NFIB: variants seen among roughly 807,000 people sequenced by gnomAD.
NFIB encodes the protein nuclear factor 1 B-type.
NFIB carries 11 observed loss-of-function variants against 61.5 expected under a neutral mutation model. That is an observed-to-expected ratio of 0.18 (90% CI 0.11 to 0.30). The LOEUF is 0.30. NFIB is among the 10% of genes least tolerant of loss of function. The probability of loss-of-function intolerance (pLI) is 1.00; values close to 1 mark genes in which losing one functional copy is unlikely to be tolerated. For synonymous variants in NFIB, 260 were observed against 216.5 expected, an observed-to-expected ratio of 1.20 and a Z score of -1.76; for missense variants, 471 against 608.9, an observed-to-expected ratio of 0.77 and a Z score of 2.38.
chr9:14,485,008 G>A, the NFIB span, among the ~76,000 whole-genome samples: 1 of 152,066 alleles, frequency 6.6e-6, no homozygotes, highest in African/African-American at 2.4e-5. Context: ...GAGAGAGAGA[G>A]AAAGAGAGAG....
chr9:14,277,479 G>C (rs1361594394), intron 2 of NFIB, among the ~76,000 whole-genome samples: 1 of 152,230 alleles, frequency 6.6e-6, no homozygotes, highest in African/African-American at 2.4e-5. Context: ...ATATGGATTA[G>C]ACAGACGCAC....
At chr9:14,397,400 G>A (rs2061697441) in intron 1 of NFIB, among the ~76,000 whole-genome samples, 1 of 152,192 alleles carries the variant, frequency 6.6e-6, no homozygotes, top group South Asian at 2.1e-4. Context: ...GATGACAATG[G>A]AACTTTAGGT....
chr9:14,351,014 G>A (rs2061104048), intron 1 of NFIB, among the ~76,000 whole-genome samples: 1 of 152,158 alleles, frequency 6.6e-6, no homozygotes, highest in Non-Finnish European at 1.5e-5. Flanking sequence ...AGACTCGGAG[G>A]GAAATCTCCC....
intron 2 of NFIB, among the ~76,000 whole-genome samples, chr9:14,187,885 G>A (rs1432106604): frequency 1.3e-5 from 2 of 152,162 alleles, no homozygotes; most frequent in Non-Finnish European, 2.9e-5. Flanking sequence ...CACAAAAAGT[G>A]TTAAACCTGC....
intron 2 of NFIB, among the ~76,000 whole-genome samples, chr9:14,180,059 C>T (rs576691548): frequency 8.7e-4 from 132 of 152,254 alleles, no homozygotes; most frequent in African/African-American, 3.2e-3. Context: ...GCTACAAAGC[C>T]ATTGAAGATG....
chr9:14,322,301 G>A (rs2060680100), intron 1 of NFIB: 1 of 314,532 alleles, frequency 3.2e-6, no homozygotes, highest in African/African-American at 2.1e-5. Context: ...AGGATGGTGT[G>A]TGTGTGTGCG....
the NFIB span, among the ~76,000 whole-genome samples, chr9:14,521,407 CCTGA>C: frequency 1.3e-5 from 2 of 152,112 alleles, no homozygotes; most frequent in African/African-American, 4.8e-5. Context: ...GTGCCAATAA[CCTGA>C]CTTTTAATCC....
intron 10 of NFIB, among the ~76,000 whole-genome samples, chr9:14,111,227 T>C (rs1487304647): frequency 1.3e-5 from 2 of 152,164 alleles, no homozygotes; most frequent in South Asian, 2.1e-4. Context: ...GTTTTCTTGA[T>C]ATATTTTTAG....
At chr9:14,386,459 T>C (rs2061549708) in intron 1 of NFIB, among the ~76,000 whole-genome samples, 1 of 152,208 alleles carries the variant, frequency 6.6e-6, no homozygotes, top group Admixed American at 6.5e-5. Flanking sequence ...CACACCCTTC[T>C]GAAGAGCACT....
intron 5 of NFIB, 66 bp from the exon 6 acceptor site, chr9:14,146,873 A>G: frequency 6.4e-7 from 1 of 1,573,272 alleles, no homozygotes; most frequent in South Asian, 1.2e-5. Context: ...TTTAAAGTAA[A>G]TGATCTGAGA....
At chr9:14,155,937 A>T in intron 3 of NFIB, 44 bp from the exon 4 acceptor site, 1 of 1,234,548 alleles carries the variant, frequency 8.1e-7, no homozygotes, top group South Asian at 1.4e-5. Context: ...ATAAGCAGAA[A>T]GTAAAATAAA....
At chr9:14,247,843 G>T (rs981872749) in intron 2 of NFIB, among the ~76,000 whole-genome samples, 2 of 151,832 alleles carry the variant, frequency 1.3e-5, no homozygotes, top group Non-Finnish European at 2.9e-5. Context: ...CAGGAACAGG[G>T]TGTTCTTATT....
the NFIB span, among the ~76,000 whole-genome samples, chr9:14,519,948 A>ACT: frequency 6.6e-6 from 1 of 151,828 alleles, no homozygotes; most frequent in Non-Finnish European, 1.5e-5. Context: ...TACATCCCAT[A>ACT]CTCTCTCCCA....
At chr9:14,101,259 G>A (rs1195153477) in intron 10 of NFIB, among the ~76,000 whole-genome samples, 1 of 152,142 alleles carries the variant, frequency 6.6e-6, no homozygotes, top group Non-Finnish European at 1.5e-5. Context: ...ATGTAAAAAT[G>A]TATACCTTTT....
At chr9:14,322,799 G>T (rs2060694911) in intron 1 of NFIB, among the ~76,000 whole-genome samples, 1 of 152,112 alleles carries the variant, frequency 6.6e-6, no homozygotes, top group South Asian at 2.1e-4. Context: ...GGGTGCGTGG[G>T]TAGCGGTGGG....
chr9:14,500,446 C>T, the NFIB span, among the ~76,000 whole-genome samples: 2 of 152,138 alleles, frequency 1.3e-5, no homozygotes, highest in Non-Finnish European at 2.9e-5. Context: ...TATTACTCTT[C>T]ACAGAGTAAT....
At chr9:14,370,504 A>G (rs575887387) in intron 1 of NFIB, among the ~76,000 whole-genome samples, 98 of 152,378 alleles carry the variant, frequency 6.4e-4, no homozygotes, top group African/African-American at 2.3e-3. Flanking sequence ...ATGTTTGAGA[A>G]TGCTGGTCTA....
intron 2 of NFIB, among the ~76,000 whole-genome samples, chr9:14,211,045 A>G (rs1324278887): frequency 1.3e-5 from 2 of 152,194 alleles, no homozygotes; most frequent in Non-Finnish European, 2.9e-5. Flanking sequence ...GATACTCAAC[A>G]ATCATTCCCT....
intron 2 of NFIB, among the ~76,000 whole-genome samples, chr9:14,245,143 T>C (rs2054773732): frequency 6.6e-6 from 1 of 152,140 alleles, no homozygotes. Context: ...GGGTCATGCC[T>C]ACCCAACCTA....
Sources: gnomAD v4.1 joint callset for allele counts (sites outside exome capture counted in the v4.1 genomes callset) on GRCh38, gnomAD v4.1.1 for gene constraint, MANE v1.5 for transcripts, NCBI Gene and HGNC (gene_info 2026-07-23, HGNC 2026-07-21) for gene names.